SDAD1: variants seen among roughly 807,000 people sequenced by gnomAD.
The protein encoded by SDAD1 is SDA1 domain containing 1.
SDAD1 carries 79 observed loss-of-function variants against 100.3 expected under a neutral mutation model. That is an observed-to-expected ratio of 0.79 (90% CI 0.66 to 0.95). The LOEUF is 0.95. SDAD1 is among the 40% of genes least tolerant of loss of function. The pLI, the probability that SDAD1 is intolerant of heterozygous loss-of-function variation, is 0.00. For synonymous variants in SDAD1, 267 were observed against 271.4 expected, an observed-to-expected ratio of 0.98 and a Z score of 0.16; for missense variants, 790 against 810.9, an observed-to-expected ratio of 0.97 and a Z score of 0.31.
At chr4:75,978,982 G>GGAAAAAAAAAAA (rs565404495) in intron 3 of SDAD1, among the ~76,000 whole-genome samples, 1 of 38,036 alleles carries the variant, frequency 2.6e-5, no homozygotes, top group East Asian at 1.7e-3. Context: ...CCCTGTCTCA[G>GGAAAAAAAAAAA]AAAAAAAAAA....
At chr4:75,990,715 T>C (rs774077390) in intron 1 of SDAD1, 37 bp downstream of exon 1, 2 of 1,612,650 alleles carry the variant, frequency 1.2e-6, no homozygotes, top group South Asian at 1.1e-5. Context: ...AACCATCCAC[T>C]ATCCGGCCTC....
chr4:75,950,785 C>A lies in SDAD1; in HGVS notation c.2029G>T (p.Asp677Tyr). The A allele has an allele frequency of 6.3e-7, 1 of 1,587,588 alleles. No individual in the cohort carries two copies. Among genetic ancestry groups the A allele is most frequent in the East Asian group, 2.2e-5 (1 of 44,558 alleles). Residue 677 changes from aspartate (D) to tyrosine (Y), a missense_variant, in exon 22 of 22, where the codon GAT (aspartate) becomes TAT (tyrosine). Transcript: ENST00000356260. Reference sequence around the variant, plus strand: ...CTTTTTCTCTTTTTCAAAAGTGCATCTCGTAGTGCCAACTGTAAGATAAAA... The same window carrying A: ...CTTTTTCTCTTTTTCAAAAGTGCATATCGTAGTGCCAACTGTAAGATAAAA... ...SFREKQLALR[D>Y]ALLKKRKRMK is the part of the protein sequence containing the mutation.
At chr4:75,983,429 T>C (rs1021374791) in intron 1 of SDAD1, among the ~76,000 whole-genome samples, 1 of 152,258 alleles carries the variant, frequency 6.6e-6, no homozygotes, top group Non-Finnish European at 1.5e-5. Context: ...AGAGTTCCTA[T>C]TTCTCCACAT....
chr4:75,971,308 A>G (rs767278132), intron 9 of SDAD1, 49 bp downstream of exon 9: 3 of 1,267,700 alleles, frequency 2.4e-6, no homozygotes, highest in Non-Finnish European at 3.4e-6. Context: ...ACGACAACAT[A>G]TTCTTCACTC....
intron 1 of SDAD1, among the ~76,000 whole-genome samples, chr4:75,982,854 G>T (rs564160369): frequency 1.1e-4 from 17 of 150,242 alleles, no homozygotes; most frequent in Non-Finnish European, 7.4e-5. Context: ...GTGCAGGTTT[G>T]TTACACAGGT....
rs138848089 is a variant in SDAD1 at position 75,961,971 on chromosome 4, C to T, written c.1182-663G>A. The stretch of plus-strand genomic sequence containing the variant: ...CGTGCAGGTTTGTTACATATGTATA[C>T]ATGTGTCATGTTGGTGTGCTGCACC... On this transcript the variant is annotated intron_variant, in intron 14 of 21. Transcript: ENST00000356260. 4.8e-3 allele frequency among the ~76,000 whole-genome samples: 738 copies of T among 152,250 alleles called. 18 individuals are homozygous for T. In the East Asian group the frequency reaches 0.054, roughly 11 times the overall value.
rs761088718 is a variant in SDAD1 at position 75,957,322 on chromosome 4, C to T, written c.1854+3G>A. 7.4e-6 allele frequency: 12 copies of T among 1,612,062 alleles called. No individual in the cohort carries two copies. Among genetic ancestry groups the T allele is most frequent in the Non-Finnish European group, 1.0e-5 (12 of 1,178,560 alleles). ...AAAAACTAGGAATGATATGCTCACT[C>T]ACCATTGCAGTTGCTAGTCTTGTCT... On this transcript the variant is annotated splice_donor_region_variant and intron_variant, in intron 20 of 21. Coordinates refer to ENST00000356260, the MANE Select transcript of SDAD1 (RefSeq NM_018115.4).
intron 1 of SDAD1, among the ~76,000 whole-genome samples, chr4:75,984,972 G>A (rs1409264939): frequency 6.6e-6 from 1 of 152,058 alleles, no homozygotes; most frequent in Non-Finnish European, 1.5e-5. Flanking sequence ...CTTTTTCTAA[G>A]AACAGAAGTC....
intron 1 of SDAD1, among the ~76,000 whole-genome samples, chr4:75,984,778 A>AAACAC (rs1730780809): frequency 7.3e-6 from 1 of 136,928 alleles, no homozygotes; most frequent in Non-Finnish European, 1.6e-5. Context: ...CACACACACA[A>AAACAC]ACACACACAC....
chr4:75,963,629 T>C (rs1364766597), intron 14 of SDAD1, among the ~76,000 whole-genome samples: 1 of 152,134 alleles, frequency 6.6e-6, no homozygotes, highest in African/African-American at 2.4e-5. Flanking sequence ...AATGTTGTTA[T>C]CTTGGGAGAA....
At chr4:75,961,622 G>A (rs1578120689) in intron 14 of SDAD1, among the ~76,000 whole-genome samples, 1 of 152,128 alleles carries the variant, frequency 6.6e-6, no homozygotes, top group South Asian at 2.1e-4. Flanking sequence ...AGTCTTTAGG[G>A]CTATTATCCT....
In SDAD1 at chr4:75,957,384, T is replaced by C; in HGVS notation, c.1795A>G (p.Ile599Val). 1 of 1,614,176 alleles carries C rather than the reference T, an allele frequency of 6.2e-7. No individual in the cohort carries two copies. Among genetic ancestry groups the C allele is most frequent in the Non-Finnish European group, 8.5e-7 (1 of 1,180,030 alleles). ...PRGELLSLRD[I>V]ERLHKKPKSD... ...TTTGGCTTTTTATGAAGGCGTTCAA[T>C]GTCCCGAAGAGAAAGTAATTCACCC... Residue 599 changes from isoleucine (I) to valine (V), a missense_variant, in exon 20 of 22, where the codon ATT becomes GTT. Coordinates refer to ENST00000356260, the MANE Select transcript of SDAD1 (RefSeq NM_018115.4).
chr4:75,980,297 T>C (rs1347533835), intron 3 of SDAD1, among the ~76,000 whole-genome samples: 1 of 152,160 alleles, frequency 6.6e-6, no homozygotes, highest in Non-Finnish European at 1.5e-5. Flanking sequence ...CTTTTTCTTT[T>C]TGGCCTAATC....
At chr4:75,973,984 T>G in intron 7 of SDAD1, 92 bp downstream of exon 7, 1 of 1,039,718 alleles carries the variant, frequency 9.6e-7, no homozygotes, top group Non-Finnish European at 1.5e-6. Flanking sequence ...TGTGCAGGCA[T>G]GCAGTTTATG....
rs567732428 is a variant in SDAD1, at chr4:75,973,565, TAATA to T, written c.637-178_637-175del. Among the ~76,000 whole-genome samples the T allele has an allele frequency of 1.2e-3, 184 of 152,334 alleles. 1 individual carries two copies. The highest frequency in any genetic ancestry group is 4.1e-3 in the South Asian group (20 of 4,830). On this transcript the variant is annotated intron_variant, in intron 7 of 21. Coordinates refer to ENST00000356260, the MANE Select transcript of SDAD1 (RefSeq NM_018115.4). ...TAAAAGTTGTTTTATGTTATTTCTC[TAATA>T]AATAATTTTAAAAACTAGATAAAAA... is the stretch of plus-strand genomic sequence containing the variant.
chr4:75,978,982 G>GAAAAAAAAAAAAAAAAAAAAAAAAA (rs538009004), intron 3 of SDAD1, among the ~76,000 whole-genome samples: 7 of 38,066 alleles, frequency 1.8e-4, no homozygotes, highest in Admixed American at 8.4e-4. Flanking sequence ...CCCTGTCTCA[G>GAAAAAAAAAAAAAAAAAAAAAAAAA]AAAAAAAAAA....
In SDAD1 at chr4:75,975,808, T is replaced by C. The variant is rs764021731; in HGVS notation, c.514A>G (p.Ser172Gly). The C allele has an allele frequency of 5.6e-6, 9 of 1,614,042 alleles. No individual in the cohort carries two copies. The East Asian group carries it at 2.0e-4, about 36-fold the overall frequency. The change falls in exon 6 of 22, where the codon AGC (serine) becomes GGC (glycine). Residue 172 changes from serine (S) to glycine (G), a missense_variant. Transcript: ENST00000356260. ...QNFMYTMLRDSNATAAKMSLD... is the reference protein window; with the variant it reads ...QNFMYTMLRDGNATAAKMSLD... ...GACATCTTGGCTGCGGTTGCATTGC[T>C]ATCTCTTAACATGGTGTACATGAAA...
intron 3 of SDAD1, 109 bp from the exon 4 acceptor site, chr4:75,977,865 T>C: frequency 6.0e-6 from 4 of 664,124 alleles, no homozygotes; most frequent in South Asian, 1.8e-5. Context: ...TAGACACTAT[T>C]GTAGGATTCA....
intron 8 of SDAD1, among the ~76,000 whole-genome samples, chr4:75,972,706 A>AT (rs1235465758): frequency 0.013 from 1,671 of 133,320 alleles, 17 homozygotes; most frequent in Middle Eastern, 0.065. Flanking sequence ...ATGAATCTTG[A>AT]TTTTTTTTTT....
Sources: allele counts gnomAD v4.1 joint callset (sites outside exome capture counted in the v4.1 genomes callset), GRCh38; gene constraint gnomAD v4.1.1; transcripts MANE v1.5; gene names NCBI Gene and HGNC (gene_info 2026-07-23, HGNC 2026-07-21).